Variants in NFIX observed in about 807,000 individuals in gnomAD.
The protein encoded by NFIX is nuclear factor 1 X-type.
A neutral mutation model predicts 53.3 loss-of-function variants in NFIX; 2 were observed. The observed-to-expected ratio is 0.04, with a 90% CI of 0.02 to 0.12. The LOEUF is 0.12. Ranked by LOEUF, NFIX falls within the 10% of genes least tolerant of loss-of-function variation. The pLI is 1.00. For synonymous variants in NFIX, 244 were observed against 289.0 expected, an observed-to-expected ratio of 0.84 and a Z score of 1.58; for missense variants, 310 against 674.5, an observed-to-expected ratio of 0.46 and a Z score of 5.99.
chr19:13,049,391 A>G lies in NFIX; in HGVS notation c.560-23656A>G, dbSNP rs950659915. The stretch of plus-strand genomic sequence containing the variant: ...TTCCATTGCTCCCAAAAGAAACTCC[A>G]TACCTATTAGTTGTTAGTCCCAATT... On this transcript the variant is annotated intron_variant, in intron 2 of 10. Transcript: ENST00000592199. This position sits in a 1 kb window ranked among gnomAD's most constrained non-coding sequence, Gnocchi z 4.5. Among the ~76,000 whole-genome samples the G allele has an allele frequency of 2.6e-5, 4 of 152,204 alleles. No homozygotes were observed. The highest frequency in any genetic ancestry group is 9.7e-5 in the African/African-American group (4 of 41,442).
chr19:13,074,378 G>T lies in NFIX; in HGVS notation c.818+352G>T, dbSNP rs1019085322. The stretch of plus-strand genomic sequence containing the variant: ...GAAAATGTTCCAGGAGAAGAGGGTA[G>T]CCTGTATCCCAGTTCAGCCTGCACA... On this transcript the variant is annotated intron_variant, in intron 5 of 10. Transcript: ENST00000592199. Among the ~76,000 whole-genome samples the T allele has an allele frequency of 7.9e-5, 12 of 152,188 alleles. 1 individual carries two copies. The highest frequency in any genetic ancestry group is 4.1e-4 in the South Asian group (2 of 4,832).
In NFIX at chr19:13,081,972, G is replaced by C; in HGVS notation, c.1254+117G>C. The C allele has an allele frequency of 1.6e-6, 2 of 1,245,874 alleles. No homozygotes were observed. Among genetic ancestry groups the C allele is most frequent in the South Asian group, 1.4e-5 (1 of 73,286 alleles). The allele number at this position is 1,245,874 out of a possible 1,614,324, so 77.2% of individuals were successfully genotyped here. A position where few individuals can be genotyped will look rare whatever the true frequency, so the allele number is the denominator to read the frequency against. On this transcript the variant is annotated intron_variant, in intron 8 of 10. Coordinates refer to ENST00000592199, the MANE Select transcript of NFIX (RefSeq NM_001365902.3). This position sits in a 1 kb window ranked among gnomAD's most constrained non-coding sequence, Gnocchi z 4.7. ...CAGGAGCCCACCTGGGGCTGGAGCA[G>C]CAGGGAGCTGGTAGTACCAAACGCC...
rs2016458574 is a variant in NFIX, at chr19:13,067,182, T to C, written c.560-5865T>C. On this transcript the variant is annotated intron_variant, in intron 2 of 10. Coordinates refer to ENST00000592199, the MANE Select transcript of NFIX (RefSeq NM_001365902.3). The surrounding 1 kb of genome is among the most constrained non-coding windows in gnomAD (Gnocchi z 4.2). ...GGTGCAGTGCTGGGAGGGCCAGTGATTGGCCCCAGAATCGCATCAGCCCTT... is the reference window on the plus strand; with the variant it reads ...GGTGCAGTGCTGGGAGGGCCAGTGACTGGCCCCAGAATCGCATCAGCCCTT... Among the ~76,000 whole-genome samples, 1 of 151,980 alleles carries C rather than the reference T, an allele frequency of 6.6e-6. No homozygotes were observed. Among genetic ancestry groups the C allele is most frequent in the Non-Finnish European group, 1.5e-5 (1 of 67,974 alleles).
At chr19:13,054,012 G>A (rs181159114) in intron 2 of NFIX, among the ~76,000 whole-genome samples, 4 of 152,318 alleles carry the variant, frequency 2.6e-5, no homozygotes, top group Non-Finnish European at 5.9e-5. Context: ...CATTCTTTGC[G>A]TGTTTCCTGA....
intron 2 of NFIX, among the ~76,000 whole-genome samples, chr19:13,032,804 G>A (rs927364611): frequency 1.1e-4 from 17 of 152,186 alleles, no homozygotes; most frequent in Admixed American, 6.5e-5. Flanking sequence ...GGCCATGTTT[G>A]TCCAAGGTTT....
chr19:13,058,458 G>C (rs1487976812), intron 2 of NFIX, among the ~76,000 whole-genome samples: 1 of 151,754 alleles, frequency 6.6e-6, no homozygotes, highest in Non-Finnish European at 1.5e-5. Flanking sequence ...AGACCAGCCT[G>C]GGCAACATAG....
chr19:13,075,474 TG>T, intron 5 of NFIX, 60 bp from the exon 6 acceptor site: 1 of 1,585,026 alleles, frequency 6.3e-7, no homozygotes, highest in Middle Eastern at 1.7e-4. Context: ...CCTGGACTCT[TG>T]GTCACTCCCT....
In NFIX at chr19:13,012,834, CTAGA is replaced by C. The variant is rs2012437376; in HGVS notation, c.28-12186_28-12183del. The stretch of plus-strand genomic sequence containing the variant: ...CGTCGCATAGTGAGCGTCGTCATCT[CTAGA>C]CTACCCCGGTTTCCGAGGAGCCTCA... On this transcript the variant is annotated intron_variant, in intron 1 of 10. Transcript: ENST00000592199. The surrounding 1 kb of genome is among the most constrained non-coding windows in gnomAD (Gnocchi z 5.0). 2.0e-5 allele frequency among the ~76,000 whole-genome samples: 3 copies of C among 152,166 alleles called. No individual in the cohort carries two copies. Among genetic ancestry groups the C allele is most frequent in the African/African-American group, 7.2e-5 (3 of 41,414 alleles).
chr19:13,081,436 C>T lies in NFIX; in HGVS notation c.1079-244C>T, dbSNP rs2017456733. Among the ~76,000 whole-genome samples the T allele has an allele frequency of 6.6e-6, 1 of 152,082 alleles. No individual in the cohort carries two copies. The highest frequency in any genetic ancestry group is 1.5e-5 in the Non-Finnish European group (1 of 68,016). ...TTTATTTACAAAAACAAATGGCTGG[C>T]CTTTGGACCCTAGTTTGCCTATTTG... On this transcript the variant is annotated intron_variant, in intron 7 of 10. Transcript: ENST00000592199. The surrounding 1 kb of genome is among the most constrained non-coding windows in gnomAD (Gnocchi z 4.7).
chr19:13,055,291 G>T (rs948757459), intron 2 of NFIX, among the ~76,000 whole-genome samples: 1 of 140,234 alleles, frequency 7.1e-6, no homozygotes, highest in African/African-American at 2.7e-5. Context: ...AGATTGCTAA[G>T]CTTCCCAGAA....
rs2012370107 is a variant in NFIX at position 13,011,928 on chromosome 19, C to T, written c.28-13093C>T. ...AGGTGGTGGGGAGGTCTCCCCAGGGCCCAGGCAGGAGGAGGGAAGGTCGTG... is the reference window on the plus strand; with the variant it reads ...AGGTGGTGGGGAGGTCTCCCCAGGGTCCAGGCAGGAGGAGGGAAGGTCGTG... On this transcript the variant is annotated intron_variant, in intron 1 of 10. Coordinates refer to ENST00000592199, the MANE Select transcript of NFIX (RefSeq NM_001365902.3). The surrounding 1 kb of genome is among the most constrained non-coding windows in gnomAD (Gnocchi z 6.5). Among the ~76,000 whole-genome samples the T allele has an allele frequency of 6.6e-6, 1 of 152,098 alleles. No homozygotes were observed. The highest frequency in any genetic ancestry group is 6.5e-5 in the Admixed American group (1 of 15,278).
Position 13,011,189 on chromosome 19 carries a change from C to T in NFIX, c.28-13832C>T, listed in dbSNP as rs894493937. 6.6e-6 allele frequency among the ~76,000 whole-genome samples: 1 copy of T among 152,172 alleles called. No homozygotes were observed. Among genetic ancestry groups the T allele is most frequent in the South Asian group, 2.1e-4 (1 of 4,826 alleles). On this transcript the variant is annotated intron_variant, in intron 1 of 10. Transcript: ENST00000592199. The surrounding 1 kb of genome is among the most constrained non-coding windows in gnomAD (Gnocchi z 6.5). ...CCCACGTTCTTAAAGACCGGGGACCCCCCCTCCCCCAAGGGCCGGACTGCA... is the reference window on the plus strand; with the variant it reads ...CCCACGTTCTTAAAGACCGGGGACCTCCCCTCCCCCAAGGGCCGGACTGCA...
chr19:13,010,383 C>T (rs958796323), intron 1 of NFIX, among the ~76,000 whole-genome samples: 2 of 152,240 alleles, frequency 1.3e-5, no homozygotes, highest in Non-Finnish European at 2.9e-5. Context: ...CACCCCAGCC[C>T]GGCAACTCGG....
intron 2 of NFIX, among the ~76,000 whole-genome samples, chr19:13,047,502 G>T (rs1055623559): frequency 6.6e-6 from 1 of 152,092 alleles, no homozygotes; most frequent in Non-Finnish European, 1.5e-5. Context: ...GAAAATGTCG[G>T]CTCTGACTAC....
Position 13,052,863 on chromosome 19 carries a change from C to A in NFIX, c.560-20184C>A, listed in dbSNP as rs192384071. Among the ~76,000 whole-genome samples, 14 of 152,318 alleles carry A rather than the reference C, an allele frequency of 9.2e-5. No individual in the cohort carries two copies. In the East Asian group the frequency reaches 2.5e-3, roughly 27 times the overall value. ...CACAGTTCTGTTCTGCCTGGCACTG[C>A]AGCCCAAGTCCCCAGGAGTCTGTGT... On this transcript the variant is annotated intron_variant, in intron 2 of 10. Coordinates refer to ENST00000592199, the MANE Select transcript of NFIX (RefSeq NM_001365902.3). This position sits in a 1 kb window ranked among gnomAD's most constrained non-coding sequence, Gnocchi z 5.2.
chr19:13,017,527 G>A (rs894321989), intron 1 of NFIX, among the ~76,000 whole-genome samples: 3 of 152,126 alleles, frequency 2.0e-5, no homozygotes, highest in East Asian at 3.9e-4. Context: ...TGTCTCTCCT[G>A]TGGCGGGGGA....
In NFIX at chr19:13,067,461, CGCGTGT is replaced by C. The variant is rs201700317; in HGVS notation, c.560-5584_560-5579del. ...TTAGTGGCACCTCCGTGTGTGTGCG[CGCGTGT>C]GTGTGTGTGTGTGTGCGTGTGTGTG... On this transcript the variant is annotated intron_variant, in intron 2 of 10. Transcript: ENST00000592199. The surrounding 1 kb of genome is among the most constrained non-coding windows in gnomAD (Gnocchi z 4.2). Among the ~76,000 whole-genome samples, 4,237 of 141,028 alleles carry C rather than the reference CGCGTGT, an allele frequency of 0.03. 71 individuals are homozygous for C. Among genetic ancestry groups the C allele is most frequent in the Middle Eastern group, 0.085 (24 of 284 alleles). 92.5% of individuals were successfully genotyped at this position (141,028 alleles called of 152,430 possible).
chr19:13,082,858 A>G (rs1427996540), intron 8 of NFIX, among the ~76,000 whole-genome samples: 1 of 152,186 alleles, frequency 6.6e-6, no homozygotes, highest in Non-Finnish European at 1.5e-5. Context: ...GTGGTGGGGA[A>G]AGGCATCCCG....
In NFIX at chr19:13,027,871, C is replaced by T. The variant is rs919190547; in HGVS notation, c.559+2319C>T. ...TCCTCTACAAAAGCAGAGTAGGGAACTAAGGGTGTATTTTATATCATTCAG... is the reference window on the plus strand; with the variant it reads ...TCCTCTACAAAAGCAGAGTAGGGAATTAAGGGTGTATTTTATATCATTCAG... On this transcript the variant is annotated intron_variant, in intron 2 of 10. Transcript: ENST00000592199. This position sits in a 1 kb window ranked among gnomAD's most constrained non-coding sequence, Gnocchi z 4.3. Among the ~76,000 whole-genome samples, 5 of 152,204 alleles carry T rather than the reference C, an allele frequency of 3.3e-5. No homozygotes were observed. The highest frequency in any genetic ancestry group is 2.0e-4 in the Admixed American group (3 of 15,280).
Sources: allele counts gnomAD v4.1 joint callset (sites outside exome capture counted in the v4.1 genomes callset), GRCh38; gene constraint gnomAD v4.1.1; non-coding constraint Gnocchi (gnomAD v3.1); transcripts MANE v1.5; gene names NCBI Gene and HGNC (gene_info 2026-07-23, HGNC 2026-07-21).